The following TRAPPC9 variants were observed in gnomAD, a reference collection of about 807,000 sequenced individuals.
TRAPPC9 encodes the protein trafficking protein particle complex subunit 9.
Under a neutral mutation model 124.0 loss-of-function variants are expected in TRAPPC9, and 83 were observed. That is an observed-to-expected ratio of 0.67 (90% CI 0.56 to 0.80). The LOEUF is 0.80. TRAPPC9 is among the 30% of genes least tolerant of loss of function. The pLI is 0.00. For missense variants in TRAPPC9, 1,302 were observed against 1,508.3 expected, an observed-to-expected ratio of 0.86 and a Z score of 2.27; for synonymous variants, 638 against 617.5, an observed-to-expected ratio of 1.03 and a Z score of -0.49.
intron 21 of TRAPPC9, among the ~76,000 whole-genome samples, chr8:139,739,651 T>C (rs971465448): frequency 2.0e-5 from 3 of 152,246 alleles, no homozygotes; most frequent in Non-Finnish European, 2.9e-5. Flanking sequence ...AGGTTGTCCC[T>C]GACCACACAG....
rs190233965 is a variant in TRAPPC9 at position 140,059,837 on chromosome 8, T to A, written c.2557-35758A>T. On this transcript the variant is annotated intron_variant, in intron 17 of 22. Coordinates refer to ENST00000438773, the MANE Select transcript of TRAPPC9 (RefSeq NM_001160372.4). ...AAAGAGCTGCATTTTCAGCTCTAAA[T>A]GTTTGATGTTGTCCTTTTCCTTCCA... Among the ~76,000 whole-genome samples the A allele has an allele frequency of 5.2e-4, 79 of 152,346 alleles. 1 individual carries two copies. In the East Asian group the frequency reaches 0.015, roughly 29 times the overall value.
chr8:140,396,331 T>G (rs1454792659), intron 7 of TRAPPC9, among the ~76,000 whole-genome samples: 1 of 151,876 alleles, frequency 6.6e-6, no homozygotes, highest in Non-Finnish European at 1.5e-5. Context: ...TCAGTAGAGA[T>G]GGGGTTTCAC....
intron 17 of TRAPPC9, among the ~76,000 whole-genome samples, chr8:140,084,702 T>C (rs1307544075): frequency 1.3e-5 from 2 of 152,246 alleles, no homozygotes; most frequent in Non-Finnish European, 2.9e-5. Context: ...CTGAAAGATC[T>C]GGCATGGTCC....
intron 19 of TRAPPC9, among the ~76,000 whole-genome samples, chr8:139,978,052 A>G (rs1190338698): frequency 6.6e-6 from 1 of 152,080 alleles, no homozygotes; most frequent in Admixed American, 6.6e-5. Context: ...TTTGTTTTGT[A>G]TTTTTAGTAG....
intron 21 of TRAPPC9, among the ~76,000 whole-genome samples, chr8:139,759,345 T>A (rs1820070506): frequency 6.6e-6 from 1 of 152,122 alleles, no homozygotes; most frequent in Admixed American, 6.5e-5. Flanking sequence ...GCTCTTTACA[T>A]ACATGGTCCC....
rs1835181984 is a variant in TRAPPC9 at position 139,958,934 on chromosome 8, AGCACTGCATTCCGAGTCACACG to A, written c.2810+29770_2810+29791del. On this transcript the variant is annotated intron_variant, in intron 19 of 22. Coordinates refer to ENST00000438773, the MANE Select transcript of TRAPPC9 (RefSeq NM_001160372.4). ...CACTGCATTCCGAGTCACACGGGGG[AGCACTGCATTCCGAGTCACACG>A]GGGGAGCCCTGCATTCCGAGTCACA... Among the ~76,000 whole-genome samples, 162 of 151,182 alleles carry A rather than the reference AGCACTGCATTCCGAGTCACACG, an allele frequency of 1.1e-3. 1 individual carries two copies. Among genetic ancestry groups the A allele is most frequent in the Middle Eastern group, 3.4e-3 (1 of 290 alleles).
intron 20 of TRAPPC9, among the ~76,000 whole-genome samples, chr8:139,888,793 A>G (rs1830168601): frequency 6.6e-6 from 1 of 152,232 alleles, no homozygotes; most frequent in Non-Finnish European, 1.5e-5. Context: ...TTGCCCTGTG[A>G]CAATCCTGGA....
At chr8:140,229,426 T>C (rs2063538168) in intron 16 of TRAPPC9, among the ~76,000 whole-genome samples, 2 of 151,788 alleles carry the variant, frequency 1.3e-5, no homozygotes, top group African/African-American at 4.8e-5. Flanking sequence ...CAAGCCTGGC[T>C]AATTTTTTTT....
At chr8:140,335,063 C>G (rs890420926) in intron 9 of TRAPPC9, among the ~76,000 whole-genome samples, 2 of 152,024 alleles carry the variant, frequency 1.3e-5, no homozygotes, top group Non-Finnish European at 2.9e-5. Flanking sequence ...TGACTCAAAT[C>G]GTGAATGTCC....
chr8:139,951,685 T>C (rs554040709), intron 19 of TRAPPC9, among the ~76,000 whole-genome samples: 14 of 152,320 alleles, frequency 9.2e-5, no homozygotes, highest in African/African-American at 3.4e-4. Flanking sequence ...TTCTTCTCAT[T>C]ATGTGATTAC....
intron 21 of TRAPPC9, among the ~76,000 whole-genome samples, chr8:139,756,712 T>C (rs2130298285): frequency 2.4e-5 from 3 of 124,396 alleles, no homozygotes; most frequent in African/African-American, 6.5e-5. Context: ...GCTTTGGGGA[T>C]GAGGACAGCA....
chr8:140,306,763 A>T (rs183349534), intron 10 of TRAPPC9, among the ~76,000 whole-genome samples: 1 of 152,322 alleles, frequency 6.6e-6, no homozygotes, highest in Non-Finnish European at 1.5e-5. Context: ...CAGTTCATAA[A>T]GCGTGCACTT....
intron 17 of TRAPPC9, among the ~76,000 whole-genome samples, chr8:140,165,985 G>A (rs751594791): frequency 3.9e-4 from 59 of 152,288 alleles, no homozygotes; most frequent in Admixed American, 9.1e-4. Context: ...GTCTGGAGCA[G>A]CCAGGGTGCC....
At chr8:140,199,257 C>A (rs1451298391) in intron 17 of TRAPPC9, among the ~76,000 whole-genome samples, 1 of 152,098 alleles carries the variant, frequency 6.6e-6, no homozygotes, top group Non-Finnish European at 1.5e-5. Context: ...TCCGACAGGT[C>A]TCCTGGGGGG....
At chr8:140,408,509 G>C (rs2069579306) in intron 5 of TRAPPC9, among the ~76,000 whole-genome samples, 2 of 152,132 alleles carry the variant, frequency 1.3e-5, no homozygotes, top group South Asian at 4.1e-4. Flanking sequence ...CTCTCCTAGA[G>C]AGAAGCACAA....
intron 17 of TRAPPC9, among the ~76,000 whole-genome samples, chr8:140,089,136 T>G (rs1057325251): frequency 2.6e-5 from 4 of 152,226 alleles, no homozygotes; most frequent in African/African-American, 9.6e-5. Context: ...AAGCTCCCAC[T>G]GTGGGCTGTA....
At chr8:139,934,453 T>C (rs895866377) in intron 19 of TRAPPC9, among the ~76,000 whole-genome samples, 11 of 152,378 alleles carry the variant, frequency 7.2e-5, no homozygotes, top group African/African-American at 2.6e-4. Flanking sequence ...ACCTGGGCTC[T>C]TGAAACTTCA....
chr8:140,222,166 T>G (rs1169237067), intron 16 of TRAPPC9, among the ~76,000 whole-genome samples: 3 of 152,102 alleles, frequency 2.0e-5, no homozygotes, highest in Non-Finnish European at 4.4e-5. Flanking sequence ...TTCCCCTCCC[T>G]TCGTGCAGCC....
intron 16 of TRAPPC9, among the ~76,000 whole-genome samples, chr8:140,227,819 A>G (rs2063489625): frequency 6.6e-6 from 1 of 152,224 alleles, no homozygotes; most frequent in Non-Finnish European, 1.5e-5. Flanking sequence ...TACCAATTCT[A>G]CAGATGAAGA....
Sources: allele counts gnomAD v4.1 joint callset (sites outside exome capture counted in the v4.1 genomes callset), GRCh38; gene constraint gnomAD v4.1.1; transcripts MANE v1.5; gene names NCBI Gene and HGNC (gene_info 2026-07-23, HGNC 2026-07-21).